Variants in NR3C2 observed in about 807,000 individuals in gnomAD.
NR3C2 encodes the protein nuclear receptor subfamily 3 group C member 2.
Under a neutral mutation model 86.4 loss-of-function variants are expected in NR3C2, and 15 were observed. The ratio of observed to expected loss-of-function variants is 0.17; its 90% CI spans 0.12 to 0.27. NR3C2 has a LOEUF of 0.27. NR3C2 is among the 10% of genes least tolerant of loss of function. The pLI, the probability that NR3C2 is intolerant of heterozygous loss-of-function variation, is 1.00. For missense variants in NR3C2, 960 were observed against 1,195.6 expected (o/e 0.80, Z 2.91); for synonymous variants, 458 against 450.5 (o/e 1.02, Z -0.21).
intron 3 of NR3C2, among the ~76,000 whole-genome samples, chr4:148,242,329 G>A (rs1305857934): frequency 1.3e-5 from 2 of 152,158 alleles, no homozygotes; most frequent in Non-Finnish European, 2.9e-5. Flanking sequence ...ACTACTGGAA[G>A]AAATGTGAAT....
intron 3 of NR3C2, among the ~76,000 whole-genome samples, chr4:148,218,738 G>C (rs1737679142): frequency 6.6e-6 from 1 of 152,062 alleles, no homozygotes; most frequent in Non-Finnish European, 1.5e-5. Flanking sequence ...GGTCTTTCTG[G>C]ACACTTCATA....
intron 2 of NR3C2, among the ~76,000 whole-genome samples, chr4:148,279,024 G>A (rs536204487): frequency 6.6e-6 from 1 of 152,178 alleles, no homozygotes; most frequent in South Asian, 2.1e-4. Context: ...TTAGCTGGGC[G>A]TGGTGGCAGG....
chr4:148,162,604 T>C (rs919630718), intron 4 of NR3C2, among the ~76,000 whole-genome samples: 1 of 152,198 alleles, frequency 6.6e-6, no homozygotes, highest in African/African-American at 2.4e-5. Context: ...AGAAAGCTTC[T>C]GGAGCTTTCT....
intron 2 of NR3C2, among the ~76,000 whole-genome samples, chr4:148,263,450 C>G (rs960751063): frequency 6.6e-6 from 1 of 152,158 alleles, no homozygotes; most frequent in Non-Finnish European, 1.5e-5. Context: ...CTGGTTCAGG[C>G]CCTTGTTACT....
chr4:148,114,495 C>A (rs78736249), intron 7 of NR3C2, among the ~76,000 whole-genome samples: 4,159 of 152,190 alleles, frequency 0.027, 187 homozygotes, highest in African/African-American at 0.094. Flanking sequence ...TTCACTTAAC[C>A]CTGACACCAA....
At chr4:148,083,354 G>T (rs542055512) in intron 8 of NR3C2, among the ~76,000 whole-genome samples, 3 of 152,142 alleles carry the variant, frequency 2.0e-5, no homozygotes, top group Non-Finnish European at 4.4e-5. Flanking sequence ...TCCAGGCAGC[G>T]ATCTTTGCTG....
intron 6 of NR3C2, among the ~76,000 whole-genome samples, chr4:148,139,971 G>T (rs1733532804): frequency 6.6e-6 from 1 of 152,144 alleles, no homozygotes. Flanking sequence ...AATGTCTAAA[G>T]ACATAAGTTC....
chr4:148,207,983 T>C (rs1737092305), intron 3 of NR3C2: 1 of 152,230 alleles, frequency 6.6e-6, no homozygotes, highest in Non-Finnish European at 1.5e-5. Context: ...TACACTTACC[T>C]ATTTTCAGAT....
chr4:148,169,545 T>G (rs1026683776), intron 4 of NR3C2, among the ~76,000 whole-genome samples: 4 of 151,406 alleles, frequency 2.6e-5, no homozygotes, highest in African/African-American at 9.7e-5. Context: ...TATATATATA[T>G]TCATCTCTTT....
At chr4:148,426,514 T>C (rs901565206) in intron 2 of NR3C2, among the ~76,000 whole-genome samples, 4 of 152,220 alleles carry the variant, frequency 2.6e-5, no homozygotes, top group African/African-American at 7.2e-5. Context: ...CTAGATAGTC[T>C]TGGAGCCCTT....
chr4:148,359,273 AG>A (rs1018707448), intron 2 of NR3C2, among the ~76,000 whole-genome samples: 2 of 152,256 alleles, frequency 1.3e-5, no homozygotes, highest in South Asian at 2.1e-4. Flanking sequence ...GGGTTTTTAA[AG>A]GGGGGAAAAA....
At chr4:148,358,942 T>G (rs903181694) in intron 2 of NR3C2, among the ~76,000 whole-genome samples, 2 of 142,396 alleles carry the variant, frequency 1.4e-5, no homozygotes, top group African/African-American at 5.3e-5. Context: ...TCACATAAAA[T>G]AAGCTAAACC....
chr4:148,427,116 T>G (rs923167255), intron 2 of NR3C2, among the ~76,000 whole-genome samples: 1 of 151,882 alleles, frequency 6.6e-6, no homozygotes, highest in Non-Finnish European at 1.5e-5. Flanking sequence ...CACCATGCCC[T>G]GCTAATTTTT....
At chr4:148,171,850 C>A (rs1735143863) in intron 4 of NR3C2, among the ~76,000 whole-genome samples, 1 of 152,178 alleles carries the variant, frequency 6.6e-6, no homozygotes, top group African/African-American at 2.4e-5. Context: ...CAAGTGGCCA[C>A]CCAGACAAGG....
At chr4:148,443,939 G>A (rs1750476093), upstream of NR3C2, 7 of 954,936 alleles carry the variant, frequency 7.3e-6, no homozygotes, top group South Asian at 1.4e-4. Flanking sequence ...CAGCGGCAGC[G>A]CCGCGAGCTG....
At chr4:148,318,134 T>C (rs1324272876) in intron 2 of NR3C2, among the ~76,000 whole-genome samples, 3 of 151,452 alleles carry the variant, frequency 2.0e-5, no homozygotes, top group Non-Finnish European at 4.4e-5. Context: ...TGTTTGGTTT[T>C]TTGTTCTTGC....
At chr4:148,385,677 C>G (rs538804343) in intron 2 of NR3C2, among the ~76,000 whole-genome samples, 23 of 152,118 alleles carry the variant, frequency 1.5e-4, no homozygotes, top group Non-Finnish European at 2.6e-4. Flanking sequence ...GACAGATATA[C>G]AATTTCATCA....
chr4:148,407,122 C>T (rs1206086890), intron 2 of NR3C2, among the ~76,000 whole-genome samples: 1 of 152,096 alleles, frequency 6.6e-6, no homozygotes, highest in Non-Finnish European at 1.5e-5. Flanking sequence ...AATGGAGAAA[C>T]TGAGGCTTAT....
intron 2 of NR3C2, among the ~76,000 whole-genome samples, chr4:148,365,996 T>TA (rs1040087428): frequency 6.6e-6 from 1 of 152,082 alleles, no homozygotes; most frequent in African/African-American, 2.4e-5. Context: ...TATCAAAATC[T>TA]AAAAATCAAA....
Sources: allele counts gnomAD v4.1 joint callset (sites outside exome capture counted in the v4.1 genomes callset), GRCh38; gene constraint gnomAD v4.1.1; transcripts MANE v1.5; gene names NCBI Gene and HGNC (gene_info 2026-07-23, HGNC 2026-07-21).